NALF1: variants seen among roughly 807,000 people sequenced by gnomAD.
NALF1 encodes the protein NALCN channel auxiliary factor 1, also known as family with sequence similarity 155 member A.
In NALF1, 3 loss-of-function variants were observed where a neutral mutation model predicts 48.4. That is an observed-to-expected ratio of 0.06 (90% CI 0.03 to 0.16). The LOEUF (loss-of-function observed/expected upper bound fraction) is 0.16, where lower values mean the gene tolerates loss of function less well. Among genes scored for constraint, NALF1 ranks in the 10% least tolerant of loss-of-function variants. The pLI is 1.00. For synonymous variants in NALF1, 262 were observed against 245.7 expected, an observed-to-expected ratio of 1.07 and a Z score of -0.62; for missense variants, 526 against 571.5, an observed-to-expected ratio of 0.92 and a Z score of 0.81.
intron 1 of NALF1, among the ~76,000 whole-genome samples, chr13:107,791,266 G>A (rs1268894134): frequency 2.0e-5 from 3 of 152,126 alleles, no homozygotes; most frequent in Non-Finnish European, 4.4e-5. Flanking sequence ...TGGCTATGCT[G>A]TTAATGGAAA....
At chr13:107,463,004 T>C (rs936068641) in intron 1 of NALF1, among the ~76,000 whole-genome samples, 5 of 152,116 alleles carry the variant, frequency 3.3e-5, no homozygotes, top group Non-Finnish European at 5.9e-5. Flanking sequence ...CGGACACACA[T>C]GGATGTGCAT....
intron 1 of NALF1, among the ~76,000 whole-genome samples, chr13:107,216,596 C>T (rs1409271415): frequency 6.6e-6 from 1 of 152,162 alleles, no homozygotes; most frequent in Admixed American, 6.5e-5. Flanking sequence ...CAAATGTCTT[C>T]CTGTTTTCTG....
At chr13:107,178,952 A>AAC (rs376575208) in intron 2 of NALF1, among the ~76,000 whole-genome samples, 2 of 137,292 alleles carry the variant, frequency 1.5e-5, no homozygotes, top group Non-Finnish European at 3.3e-5. Context: ...CTCAAAAAAC[A>AAC]AACAAAAAAA....
intron 1 of NALF1, among the ~76,000 whole-genome samples, chr13:107,303,389 T>C (rs1274645468): frequency 6.6e-6 from 1 of 152,232 alleles, no homozygotes; most frequent in African/African-American, 2.4e-5. Flanking sequence ...TTTACTTCTC[T>C]ATAGATATAT....
chr13:107,815,713 T>C (rs911861664), intron 1 of NALF1, among the ~76,000 whole-genome samples: 2 of 152,170 alleles, frequency 1.3e-5, no homozygotes, highest in African/African-American at 4.8e-5. Context: ...TTATCCATAG[T>C]AGCCCAAAAA....
At chr13:107,439,039 C>A (rs1189900699) in intron 1 of NALF1, among the ~76,000 whole-genome samples, 1 of 151,756 alleles carries the variant, frequency 6.6e-6, no homozygotes, top group Non-Finnish European at 1.5e-5. Flanking sequence ...AAACTTCACA[C>A]AACGCATTAG....
At chr13:107,539,676 TAG>T (rs1566384557) in intron 1 of NALF1, among the ~76,000 whole-genome samples, 1 of 152,170 alleles carries the variant, frequency 6.6e-6, no homozygotes, top group African/African-American at 2.4e-5. Context: ...ATATTTTATA[TAG>T]AGTTAATTAA....
chr13:107,850,847 G>A (rs1470627225), intron 1 of NALF1, among the ~76,000 whole-genome samples: 1 of 151,848 alleles, frequency 6.6e-6, no homozygotes, highest in Non-Finnish European at 1.5e-5. Flanking sequence ...AGGTTGCAGC[G>A]AGCCAAGATA....
rs61210054 is a variant in NALF1 at position 107,362,493 on chromosome 13, A to G, written c.916-151738T>C. Among the ~76,000 whole-genome samples, 1 of 151,982 alleles carries G rather than the reference A, an allele frequency of 6.6e-6. No individual in the cohort carries two copies. Among genetic ancestry groups the G allele is most frequent in the Non-Finnish European group, 1.5e-5 (1 of 68,006 alleles). ...ATTTGCAGCTGCATGACTCCAATTT[A>G]TACCACTGTTGTCACTTGGCATTCT... On this transcript the variant is annotated intron_variant, in intron 1 of 2. Transcript: ENST00000375915. The surrounding 1 kb of genome is among the most constrained non-coding windows in gnomAD (Gnocchi z 4.6).
intron 1 of NALF1, among the ~76,000 whole-genome samples, chr13:107,289,163 T>C (rs1396164032): frequency 6.6e-6 from 1 of 152,204 alleles, no homozygotes; most frequent in Admixed American, 6.5e-5. Context: ...TCTCTGCCCT[T>C]AGCAAGGTCT....
At chr13:107,769,416 C>G (rs1199211821) in intron 1 of NALF1, among the ~76,000 whole-genome samples, 1 of 146,574 alleles carries the variant, frequency 6.8e-6, no homozygotes, top group Admixed American at 6.8e-5. Context: ...TGGAAATCAT[C>G]ATTCTCAGTA....
chr13:107,188,887 A>ACT (rs1478237839), intron 2 of NALF1, among the ~76,000 whole-genome samples: 1 of 152,242 alleles, frequency 6.6e-6, no homozygotes, highest in Non-Finnish European at 1.5e-5. Context: ...GTAGCCTAAG[A>ACT]GTAAAATGTA....
At chr13:107,704,044 G>A (rs1881889373) in intron 1 of NALF1, among the ~76,000 whole-genome samples, 1 of 152,072 alleles carries the variant, frequency 6.6e-6, no homozygotes, top group South Asian at 2.1e-4. Flanking sequence ...AAATTAAAAA[G>A]GCACTCCTCT....
chr13:107,211,465 C>T (rs1256015815), intron 1 of NALF1, among the ~76,000 whole-genome samples: 2 of 152,184 alleles, frequency 1.3e-5, no homozygotes, highest in South Asian at 2.1e-4. Context: ...ATGTTTGCTA[C>T]GTATTTATGT....
chr13:107,540,436 G>T lies in NALF1; in HGVS notation c.915+325246C>A, dbSNP rs144064000. Among the ~76,000 whole-genome samples the T allele has an allele frequency of 3.5e-3, 526 of 152,050 alleles. 5 individuals are homozygous for T. Among genetic ancestry groups the T allele is most frequent in the African/African-American group, 0.012 (513 of 41,466 alleles). On this transcript the variant is annotated intron_variant, in intron 1 of 2. Transcript: ENST00000375915. Reference sequence around the variant, plus strand: ...TTTAAATTTCTAACTTCTCTATCATGACCAAAAGGTTGTATCATATATCCT... The same window carrying T: ...TTTAAATTTCTAACTTCTCTATCATTACCAAAAGGTTGTATCATATATCCT...
intron 1 of NALF1, among the ~76,000 whole-genome samples, chr13:107,314,263 CA>C (rs1257414005): frequency 2.6e-5 from 4 of 152,134 alleles, no homozygotes; most frequent in African/African-American, 9.7e-5. Context: ...TTTAGGCCCC[CA>C]GCTGGCCTTC....
intron 1 of NALF1, among the ~76,000 whole-genome samples, chr13:107,678,518 C>T (rs1276841267): frequency 1.3e-5 from 2 of 152,208 alleles, no homozygotes; most frequent in East Asian, 1.9e-4. Context: ...TCTGTGACCT[C>T]GAGCAAGTCA....
intron 1 of NALF1, among the ~76,000 whole-genome samples, chr13:107,652,621 C>T (rs985863801): frequency 5.3e-5 from 8 of 152,060 alleles, no homozygotes; most frequent in African/African-American, 1.9e-4. Flanking sequence ...TAATATCCCC[C>T]AAATCTCAAA....
chr13:107,282,989 G>C (rs1881417997), intron 1 of NALF1, among the ~76,000 whole-genome samples: 1 of 152,216 alleles, frequency 6.6e-6, no homozygotes, highest in Non-Finnish European at 1.5e-5. Flanking sequence ...ATTACACACT[G>C]TAGAAAAACT....
Sources: gnomAD v4.1 joint callset for allele counts (sites outside exome capture counted in the v4.1 genomes callset) on GRCh38, gnomAD v4.1.1 for gene constraint, Gnocchi (gnomAD v3.1) non-coding constraint, MANE v1.5 for transcripts, NCBI Gene and HGNC (gene_info 2026-07-23, HGNC 2026-07-21) for gene names.